The following PALM2AKAP2 variants were observed in gnomAD, a reference collection of about 807,000 sequenced individuals.
The protein encoded by PALM2AKAP2 is PALM2 and AKAP2 fusion, also known as PALM2-AKAP2 fusion protein.
PALM2AKAP2 carries 37 observed loss-of-function variants against 71.5 expected under a neutral mutation model. That is an observed-to-expected ratio of 0.52 (90% CI 0.40 to 0.68). The LOEUF is 0.68. Among genes scored for constraint, PALM2AKAP2 ranks in the 30% least tolerant of loss-of-function variants. The pLI is 0.00. For synonymous variants in PALM2AKAP2, 468 were observed against 478.8 expected, an observed-to-expected ratio of 0.98 and a Z score of 0.29; for missense variants, 1,224 against 1,191.8, an observed-to-expected ratio of 1.03 and a Z score of -0.40.
chr9:110,131,747 G>T (rs1354952861), intron 1 of PALM2AKAP2, among the ~76,000 whole-genome samples: 2 of 152,142 alleles, frequency 1.3e-5, no homozygotes, highest in Admixed American at 1.3e-4. Context: ...AGGACCTCTG[G>T]TGCATGATTG....
At chr9:109,829,927 G>A (rs1187011811) in intron 1 of PALM2AKAP2, among the ~76,000 whole-genome samples, 2 of 152,148 alleles carry the variant, frequency 1.3e-5, no homozygotes, top group Non-Finnish European at 2.9e-5. Flanking sequence ...TTGAGAGAAG[G>A]AAAATAATTA....
At chr9:109,914,261 C>T (rs1212964767) in intron 3 of PALM2AKAP2, among the ~76,000 whole-genome samples, 3 of 152,186 alleles carry the variant, frequency 2.0e-5, no homozygotes, top group African/African-American at 7.2e-5. Flanking sequence ...ATGTGCATTT[C>T]AGGCAAAGGA....
intron 1 of PALM2AKAP2, among the ~76,000 whole-genome samples, chr9:109,773,698 T>C (rs1238525241): frequency 2.0e-5 from 3 of 152,200 alleles, no homozygotes; most frequent in African/African-American, 7.2e-5. Flanking sequence ...TTGTACAAAG[T>C]CACACAGCAA....
At chr9:109,804,833 CTGTCA>C (rs1169297896) in intron 1 of PALM2AKAP2, among the ~76,000 whole-genome samples, 1 of 151,950 alleles carries the variant, frequency 6.6e-6, no homozygotes, top group Non-Finnish European at 1.5e-5. Context: ...TTAAATGTGC[CTGTCA>C]TGGGGCCTTA....
At chr9:110,072,357 A>G (rs1834224293) in intron 1 of PALM2AKAP2, among the ~76,000 whole-genome samples, 2 of 152,176 alleles carry the variant, frequency 1.3e-5, no homozygotes, top group Admixed American at 6.5e-5. Flanking sequence ...GCCCATCAGA[A>G]TGGAGCAGTC....
intron 1 of PALM2AKAP2, chr9:110,125,625 T>C: frequency 1.0e-6 from 1 of 981,380 alleles, no homozygotes; most frequent in Non-Finnish European, 1.2e-6. Context: ...CTTATCTTCG[T>C]GTCCTTTTCT....
intron 2 of PALM2AKAP2, among the ~76,000 whole-genome samples, chr9:110,155,352 G>C (rs567435906): frequency 6.6e-6 from 1 of 152,262 alleles, no homozygotes; most frequent in East Asian, 1.9e-4. Flanking sequence ...GGGCATAATT[G>C]GAAAAATCAT....
chr9:109,839,977 C>G (rs1828607629), intron 1 of PALM2AKAP2, among the ~76,000 whole-genome samples: 1 of 152,202 alleles, frequency 6.6e-6, no homozygotes, highest in Admixed American at 6.5e-5. Context: ...CCCCATCAAG[C>G]TACCAATGAC....
intron 3 of PALM2AKAP2, among the ~76,000 whole-genome samples, chr9:109,910,558 A>T (rs139374266): frequency 9.8e-5 from 15 of 152,358 alleles, no homozygotes; most frequent in Non-Finnish European, 2.2e-4. Flanking sequence ...TGGTCTCTTC[A>T]TCATGGAGGA....
intron 2 of PALM2AKAP2, among the ~76,000 whole-genome samples, chr9:110,152,554 G>C (rs1836347027): frequency 6.6e-6 from 1 of 152,194 alleles, no homozygotes; most frequent in South Asian, 2.1e-4. Flanking sequence ...TCATGAAAAA[G>C]AATGTGATTG....
chr9:109,920,796 A>G (rs958716526), intron 3 of PALM2AKAP2, among the ~76,000 whole-genome samples: 1 of 83,512 alleles, frequency 1.2e-5, no homozygotes. Flanking sequence ...ATCACACCTC[A>G]AATAAATAAA....
intron 2 of PALM2AKAP2, among the ~76,000 whole-genome samples, chr9:110,152,194 TGCACTCCA>T (rs1296618431): frequency 2.0e-5 from 3 of 151,866 alleles, no homozygotes; most frequent in Non-Finnish European, 4.4e-5. Context: ...CCCAGATCAC[TGCACTCCA>T]GCCTGGGCAA....
upstream of PALM2AKAP2, among the ~76,000 whole-genome samples, chr9:110,044,666 C>CT (rs532878976): frequency 2.7e-3 from 384 of 144,022 alleles, no homozygotes; most frequent in African/African-American, 5.0e-3. Context: ...CTTTTTCTTA[C>CT]TTTTTTTTTT....
At chr9:110,134,686 T>G (rs10980216) in intron 1 of PALM2AKAP2, among the ~76,000 whole-genome samples, 10,800 of 152,294 alleles carry the variant, frequency 0.071, 575 homozygotes, top group East Asian at 0.2. Flanking sequence ...ATTTTGAAAT[T>G]AATTTCCTGA....
chr9:109,695,187 TA>T (rs1827952340), intron 1 of PALM2AKAP2, among the ~76,000 whole-genome samples: 1 of 152,200 alleles, frequency 6.6e-6, no homozygotes. Context: ...TAAAATGTTT[TA>T]AATTGTCTTA....
At chr9:110,126,986 G>A (rs1048524702) in intron 1 of PALM2AKAP2, among the ~76,000 whole-genome samples, 1 of 152,222 alleles carries the variant, frequency 6.6e-6, no homozygotes, top group African/African-American at 2.4e-5. Context: ...ACACAGGGAA[G>A]CCTTGTTTCC....
intron 1 of PALM2AKAP2, among the ~76,000 whole-genome samples, chr9:109,651,341 G>A (rs1304862914): frequency 6.6e-6 from 1 of 152,188 alleles, no homozygotes; most frequent in African/African-American, 2.4e-5. Context: ...TCCCACTGCT[G>A]GTAGCCACTT....
upstream of PALM2AKAP2, among the ~76,000 whole-genome samples, chr9:110,044,225 T>C (rs1239388037): frequency 6.6e-6 from 1 of 152,126 alleles, no homozygotes; most frequent in East Asian, 1.9e-4. Flanking sequence ...AGCTTTTCAG[T>C]GAGGTCACCC....
intron 7 of PALM2AKAP2, among the ~76,000 whole-genome samples, chr9:110,038,269 G>A (rs1327986048): frequency 1.3e-5 from 2 of 152,160 alleles, no homozygotes; most frequent in Non-Finnish European, 2.9e-5. Flanking sequence ...GGTCAAGGCT[G>A]CAGTAAGCTG....
Sources: gnomAD v4.1 joint callset for allele counts (sites outside exome capture counted in the v4.1 genomes callset) on GRCh38, gnomAD v4.1.1 for gene constraint, MANE v1.5 for transcripts, NCBI Gene and HGNC (gene_info 2026-07-23, HGNC 2026-07-21) for gene names.